Variants in ANKMY1 observed in about 807,000 individuals in gnomAD.
The protein encoded by ANKMY1 is ankyrin repeat and MYND domain containing 1, also known as ankyrin repeat and MYND domain-containing protein 1.
A neutral mutation model predicts 102.0 loss-of-function variants in ANKMY1; 98 were observed. The ratio of observed to expected loss-of-function variants is 0.96; its 90% CI spans 0.82 to 1.14. ANKMY1 has a LOEUF of 1.14. ANKMY1 is among the 50% of genes most tolerant of loss of function. The probability of loss-of-function intolerance (pLI) is 0.00; values close to 1 mark genes in which losing one functional copy is unlikely to be tolerated. For synonymous variants in ANKMY1, 582 were observed against 559.9 expected, an observed-to-expected ratio of 1.04 and a Z score of -0.56; for missense variants, 1,330 against 1,347.6, an observed-to-expected ratio of 0.99 and a Z score of 0.20.
At chr2:240,509,950 ATCCAT>A (rs2079823585) in intron 11 of ANKMY1, among the ~76,000 whole-genome samples, 1 of 64,770 alleles carries the variant, frequency 1.5e-5, no homozygotes, top group Non-Finnish European at 3.2e-5. Flanking sequence ...CTCCTCCCCC[ATCCAT>A]GCCCTCCCTG....
At chr2:240,514,617 C>T (rs773018774) in intron 9 of ANKMY1, among the ~76,000 whole-genome samples, 51 of 152,350 alleles carry the variant, frequency 3.3e-4, no homozygotes, top group South Asian at 2.1e-4. Flanking sequence ...TTTCCCACCA[C>T]GGATCCTCTC....
intron 13 of ANKMY1, among the ~76,000 whole-genome samples, chr2:240,505,000 CAT>C (rs1041473433): frequency 4.0e-5 from 6 of 151,334 alleles, no homozygotes; most frequent in African/African-American, 9.7e-5. Context: ...CACACACACA[CAT>C]ACACACAATA....
At chr2:240,526,145 G>A in intron 6 of ANKMY1, 84 bp downstream of exon 6, 1 of 1,506,398 alleles carries the variant, frequency 6.6e-7, no homozygotes, top group South Asian at 1.1e-5. Context: ...TGCTCCTGCA[G>A]AGGGGGCCAC....
intron 1 of ANKMY1, 85 bp downstream of exon 1, chr2:240,557,796 C>T: frequency 1.1e-6 from 1 of 892,250 alleles, no homozygotes; most frequent in Non-Finnish European, 1.3e-6. Flanking sequence ...GACCGCGAGC[C>T]TGGCGCCCCC....
chr2:240,502,280 C>T (rs1190261234), intron 13 of ANKMY1, among the ~76,000 whole-genome samples: 1 of 151,870 alleles, frequency 6.6e-6, no homozygotes, highest in Non-Finnish European at 1.5e-5. Context: ...CCACCTACCC[C>T]ACCCCACCCC....
At chr2:240,554,804 G>A in intron 3 of ANKMY1, 62 bp downstream of exon 3, 1 of 1,583,760 alleles carries the variant, frequency 6.3e-7, no homozygotes, top group East Asian at 2.2e-5. Context: ...ACTCTTGGAA[G>A]GATAAAGGCC....
chr2:240,512,361 A>C (rs992425700), intron 10 of ANKMY1, among the ~76,000 whole-genome samples: 1 of 152,180 alleles, frequency 6.6e-6, no homozygotes, highest in African/African-American at 2.4e-5. Flanking sequence ...CTTGTGGAGG[A>C]AGGAAGACAT....
chr2:240,520,113 G>A lies in ANKMY1; in HGVS notation c.2004+249C>T, dbSNP rs568066833. ...TTCCCCTTAGTTTGCTTCAACACTG[G>A]GAAAAAAATCACACGGATCGTGAAG... On this transcript the variant is annotated intron_variant, in intron 9 of 17. Coordinates refer to ENST00000401804, the MANE Select transcript of ANKMY1 (RefSeq NM_001282771.3). The surrounding 1 kb of genome is among the most constrained non-coding windows in gnomAD (Gnocchi z 4.8). The A allele has an allele frequency of 2.8e-6, 2 of 712,482 alleles. No homozygotes were observed. The highest frequency in any genetic ancestry group is 5.8e-5 in the East Asian group (2 of 34,628). The allele number at this position is 712,482 out of a possible 1,614,324, so 44.1% of individuals were successfully genotyped here. A position where few individuals can be genotyped will look rare whatever the true frequency, so the allele number is the denominator to read the frequency against.
rs1054544275 is a variant in ANKMY1, at chr2:240,520,472, A to G, written c.1894T>C (p.Cys632Arg). 2 of 1,613,454 alleles carry G rather than the reference A, an allele frequency of 1.2e-6. No homozygotes were observed. The highest frequency in any genetic ancestry group is 2.7e-5 in the African/African-American group (2 of 75,050). The change falls in exon 9 of 18, where the codon TGC becomes CGC. Residue 632 changes from cysteine to arginine, a missense_variant. By Grantham distance (180) the Cys-to-Arg change is radical. Coordinates refer to ENST00000401804, the MANE Select transcript of ANKMY1 (RefSeq NM_001282771.3). The surrounding 1 kb of genome is among the most constrained non-coding windows in gnomAD (Gnocchi z 4.8). ...AACAGGACCTGCATGGGCACGCAGC[A>G]CAGGTTGGGGTCCGCGCCCCGGCGC... ...LLRRGADPNL[C>R]CVPMQVLFLA...
At chr2:240,553,205 T>G in intron 3 of ANKMY1, 148 bp from the exon 4 acceptor site, 1 of 954,164 alleles carries the variant, frequency 1.0e-6, no homozygotes, top group Non-Finnish European at 1.5e-6. Flanking sequence ...ATGCGACTAT[T>G]AGAGTCGGCA....
intron 15 of ANKMY1, among the ~76,000 whole-genome samples, chr2:240,491,640 GACTTTATA>G (rs2151936693): frequency 6.6e-6 from 1 of 152,286 alleles, no homozygotes; most frequent in Admixed American, 6.5e-5. Flanking sequence ...TGTCCGGGGT[GACTTTATA>G]TCTCCTTCAT....
intron 15 of ANKMY1, among the ~76,000 whole-genome samples, chr2:240,493,411 T>G (rs894058304): frequency 6.6e-6 from 1 of 152,232 alleles, no homozygotes; most frequent in Non-Finnish European, 1.5e-5. Flanking sequence ...TGCTTTTTCA[T>G]GTTTCCTGTG....
intron 4 of ANKMY1, among the ~76,000 whole-genome samples, chr2:240,551,613 G>A (rs1178854756): frequency 1.3e-5 from 2 of 152,164 alleles, no homozygotes; most frequent in Non-Finnish European, 2.9e-5. Context: ...GCAAGTGGGG[G>A]AATGGAAAGA....
chr2:240,546,670 A>G (rs1433819064), intron 4 of ANKMY1, among the ~76,000 whole-genome samples: 2 of 152,194 alleles, frequency 1.3e-5, no homozygotes, highest in Non-Finnish European at 2.9e-5. Flanking sequence ...AGGAAGATCT[A>G]CCAAGCAAAT....
intron 4 of ANKMY1, among the ~76,000 whole-genome samples, chr2:240,550,305 T>C (rs900695536): frequency 9.2e-5 from 13 of 141,270 alleles, no homozygotes; most frequent in Non-Finnish European, 1.6e-4. Context: ...TAGGCGGGAA[T>C]TGAACAACGA....
chr2:240,476,681 C>G (rs1357018108), downstream of ANKMY1, among the ~76,000 whole-genome samples: 4 of 152,148 alleles, frequency 2.6e-5, no homozygotes, highest in Non-Finnish European at 4.4e-5. Context: ...TCGATCACGC[C>G]CATTGTTTGG....
intron 3 of ANKMY1, 192 bp downstream of exon 3, chr2:240,554,674 C>A: frequency 1.6e-6 from 1 of 628,414 alleles, no homozygotes. Context: ...GGGACCCCAG[C>A]AAACCATGGG....
At chr2:240,507,962 T>C (rs1221149085) in intron 12 of ANKMY1, among the ~76,000 whole-genome samples, 1 of 152,212 alleles carries the variant, frequency 6.6e-6, no homozygotes, top group Non-Finnish European at 1.5e-5. Context: ...CAGCACTTTC[T>C]CTGTCCCCTG....
At chr2:240,542,361 C>T (rs13423333) in intron 4 of ANKMY1, among the ~76,000 whole-genome samples, 22,524 of 151,232 alleles carry the variant, frequency 0.15, 1,753 homozygotes, top group South Asian at 0.28. Context: ...AAAAATTAGC[C>T]GGGTGTGGTG....
Sources: gnomAD v4.1 joint callset for allele counts (sites outside exome capture counted in the v4.1 genomes callset) on GRCh38, gnomAD v4.1.1 for gene constraint, Gnocchi (gnomAD v3.1) non-coding constraint, MANE v1.5 for transcripts, NCBI Gene and HGNC (gene_info 2026-07-23, HGNC 2026-07-21) for gene names.